The following MYT1 variants were observed in gnomAD, a reference collection of about 807,000 sequenced individuals.
MYT1 encodes the protein myelin transcription factor 1.
Under a neutral mutation model 123.0 loss-of-function variants are expected in MYT1, and 23 were observed. The ratio of observed to expected loss-of-function variants is 0.19; its 90% CI spans 0.13 to 0.26. The LOEUF (loss-of-function observed/expected upper bound fraction) is 0.26, where lower values mean the gene tolerates loss of function less well. MYT1 is among the 10% of genes least tolerant of loss of function. MYT1 has a pLI of 1.00. For missense variants in MYT1, 1,125 were observed against 1,472.5 expected, an observed-to-expected ratio of 0.76 and a Z score of 3.86; for synonymous variants, 518 against 575.3, an observed-to-expected ratio of 0.90 and a Z score of 1.43.
In MYT1 at chr20:64,198,934, C is replaced by T. The variant is rs574959009; in HGVS notation, c.55+18C>T. ...CCTGCGAGGTGAGTGCCGCCCTCCC[C>T]TCCTCCAGGGCTGTAAATGCCACTT... On this transcript the variant is annotated intron_variant, in intron 3 of 22. Coordinates refer to ENST00000328439, the MANE Select transcript of MYT1 (RefSeq NM_004535.3). The T allele has an allele frequency of 5.8e-5, 94 of 1,613,588 alleles. 2 individuals are homozygous for T. The Middle Eastern group carries it at 1.3e-3, about 23-fold the overall frequency.
chr20:64,233,107 TTCCCTCCTCCTTCCCC>T lies in MYT1; in HGVS notation c.2897+728_2897+743del, dbSNP rs988877235. On this transcript the variant is annotated intron_variant, in intron 19 of 22. Coordinates refer to ENST00000328439, the MANE Select transcript of MYT1 (RefSeq NM_004535.3). ...CTCCCCTGTCCCTCCCCTCCCCTTC[TTCCCTCCTCCTTCCCC>T]TCCCTTCTCCCTCCTTTCCTCTTCT... is the stretch of plus-strand genomic sequence containing the variant. Among the ~76,000 whole-genome samples the T allele has an allele frequency of 2.8e-4, 26 of 92,196 alleles. No homozygotes were observed. In the East Asian group the frequency reaches 9.0e-3, roughly 32 times the overall value. 60.5% of individuals were successfully genotyped at this position (92,196 alleles called of 152,430 possible).
intron 10 of MYT1, among the ~76,000 whole-genome samples, chr20:64,215,230 G>A (rs1361030680): frequency 6.6e-6 from 1 of 152,232 alleles, no homozygotes; most frequent in Admixed American, 6.5e-5. Flanking sequence ...AGGCAGGGGT[G>A]TCAAACAGGC....
intron 4 of MYT1, among the ~76,000 whole-genome samples, chr20:64,204,815 G>C (rs1983432235): frequency 6.6e-6 from 1 of 152,202 alleles, no homozygotes; most frequent in Non-Finnish European, 1.5e-5. Flanking sequence ...TAGAAGTCTT[G>C]CTCTTATGTA....
intron 19 of MYT1, 80 bp from the exon 20 acceptor site, chr20:64,236,475 G>T: frequency 8.9e-7 from 1 of 1,129,272 alleles, no homozygotes; most frequent in Non-Finnish European, 1.3e-6. Flanking sequence ...GTGACCCTGG[G>T]CTGGCCGTGG....
intron 1 of MYT1, among the ~76,000 whole-genome samples, chr20:64,177,008 C>G (rs956142083): frequency 6.6e-6 from 1 of 152,210 alleles, no homozygotes; most frequent in Non-Finnish European, 1.5e-5. Flanking sequence ...CAGTAACTGC[C>G]TGCAACATGC....
chr20:64,209,876 C>T (rs756006), intron 7 of MYT1, among the ~76,000 whole-genome samples: 7,048 of 152,180 alleles, frequency 0.046, 404 homozygotes, highest in African/African-American at 0.13. Flanking sequence ...AATGGCTTTG[C>T]GGGGACACCC....
chr20:64,225,011 A>AGG (rs1984127011), intron 16 of MYT1, among the ~76,000 whole-genome samples: 2 of 152,306 alleles, frequency 1.3e-5, no homozygotes, highest in Non-Finnish European at 2.9e-5. Context: ...TTTAGAAATA[A>AGG]CGACCAAAAG....
Position 64,196,488 on chromosome 20 carries a change from G to A in MYT1, c.1-2374G>A, listed in dbSNP as rs144151197. Reference sequence around the variant, plus strand: ...TTGTCCAGATGCTTTCGCGTCAGCCGGCACTGCTGATTTCAAATAGCTCAG... The same window carrying A: ...TTGTCCAGATGCTTTCGCGTCAGCCAGCACTGCTGATTTCAAATAGCTCAG... On this transcript the variant is annotated intron_variant, in intron 2 of 22. Coordinates refer to ENST00000328439, the MANE Select transcript of MYT1 (RefSeq NM_004535.3). This position sits in a 1 kb window ranked among gnomAD's most constrained non-coding sequence, Gnocchi z 4.3. Among the ~76,000 whole-genome samples, 179 of 152,348 alleles carry A rather than the reference G, an allele frequency of 1.2e-3. 1 individual carries two copies. Among genetic ancestry groups the A allele is most frequent in the African/African-American group, 4.1e-3 (172 of 41,570 alleles).
chr20:64,205,656 G>C lies in MYT1; in HGVS notation c.253G>C (p.Glu85Gln). Residue 85 changes from glutamate (E) to glutamine (Q), a missense_variant, in exon 6 of 23, where the codon GAG becomes CAG. This residue lies in a region of MYT1 where 406 missense variants were observed against 432.2 expected (regional missense o/e 0.94). Transcript: ENST00000328439. ...ACACCCCCTGAAGCTGGCTCTGGAC[G>C]AGGGCTATGGTGTGGACAGCGACGG... ...KSHPLKLALD[E>Q]GYGVDSDGSE... 2 of 1,614,248 alleles carry C rather than the reference G, an allele frequency of 1.2e-6. No homozygotes were observed. Among genetic ancestry groups the C allele is most frequent in the South Asian group, 1.1e-5 (1 of 91,080 alleles).
intron 8 of MYT1, 84 bp downstream of exon 8, chr20:64,211,424 T>A: frequency 6.4e-6 from 9 of 1,400,874 alleles, no homozygotes; most frequent in Non-Finnish European, 8.8e-6. Context: ...TGGGGAGGCG[T>A]GGCCTGCCCA....
Position 64,207,970 on chromosome 20 carries a change from AGAGGAGGACGAGGAGGAGGAG to A in MYT1, c.783_803del (p.Asp261_Glu267del), listed in dbSNP as rs1366770927. 1 of 1,605,928 alleles carries A rather than the reference AGAGGAGGACGAGGAGGAGGAG, an allele frequency of 6.2e-7. No individual in the cohort carries two copies. The highest frequency in any genetic ancestry group is 8.5e-7 in the Non-Finnish European group (1 of 1,176,830). ...AGCAGAAAGGCATCCTGAGTCACGA[AGAGGAGGACGAGGAGGAGGAG>A]GAGGAGGAAGAGGAGGAGGAGGAGG... On this transcript the variant is annotated inframe_deletion, in exon 7 of 23. Transcript: ENST00000328439.
In MYT1 at chr20:64,235,883, TGGTGGGTGACCCTGGGATGGCCGC is replaced by T. The variant is rs1568722846; in HGVS notation, c.2898-655_2898-632del. On this transcript the variant is annotated intron_variant, in intron 19 of 22. Coordinates refer to ENST00000328439, the MANE Select transcript of MYT1 (RefSeq NM_004535.3). ...GTGGTGGGTGACGCTGGGATGGTCATGGTGGGTGACCCTGGGATGGCCGCGGTGGGTGACCCTGGGCTGGCCGCG... is the reference window on the plus strand; with the variant it reads ...GTGGTGGGTGACGCTGGGATGGTCATGGTGGGTGACCCTGGGCTGGCCGCG... Among the ~76,000 whole-genome samples the T allele has an allele frequency of 2.7e-4, 35 of 130,028 alleles. 1 individual carries two copies. Among genetic ancestry groups the T allele is most frequent in the African/African-American group, 9.1e-4 (30 of 32,980 alleles). The allele number at this position is 130,028 out of a possible 152,430, so 85.3% of individuals were successfully genotyped here. A position where few individuals can be genotyped will look rare whatever the true frequency, so the allele number is the denominator to read the frequency against.
chr20:64,170,876 TATATATATAGAGAGAGAG>T (rs1246042494), intron 1 of MYT1, among the ~76,000 whole-genome samples: 44 of 60,558 alleles, frequency 7.3e-4, no homozygotes, highest in African/African-American at 1.3e-3. Context: ...TATATATATA[TATATATATAGAGAGAGAG>T]AGAGAGAGAG....
chr20:64,200,049 A>G, intron 4 of MYT1, 127 bp downstream of exon 4: 1 of 1,120,142 alleles, frequency 8.9e-7, no homozygotes, highest in Middle Eastern at 2.2e-4. Context: ...TGCTTTCCCT[A>G]AGGAGACTGC....
At chr20:64,172,664 G>A (rs1009573332) in intron 1 of MYT1, among the ~76,000 whole-genome samples, 2 of 151,866 alleles carry the variant, frequency 1.3e-5, no homozygotes, top group Non-Finnish European at 2.9e-5. Flanking sequence ...CGAAGCCGAC[G>A]TGTCTTCTGG....
rs1382174896 is a variant in MYT1, at chr20:64,218,119, G to A, written c.1847-792G>A. Reference sequence around the variant, plus strand: ...GGTGTGAGCCTCTCTTCCTAACTTTGACAGAACCTGCTCTTTAGGATGGAG... The same window carrying A: ...GGTGTGAGCCTCTCTTCCTAACTTTAACAGAACCTGCTCTTTAGGATGGAG... On this transcript the variant is annotated intron_variant, in intron 11 of 22. Coordinates refer to ENST00000328439, the MANE Select transcript of MYT1 (RefSeq NM_004535.3). The surrounding 1 kb of genome is among the most constrained non-coding windows in gnomAD (Gnocchi z 4.0). Among the ~76,000 whole-genome samples the A allele has an allele frequency of 6.6e-6, 1 of 152,170 alleles. No individual in the cohort carries two copies. Among genetic ancestry groups the A allele is most frequent in the African/African-American group, 2.4e-5 (1 of 41,434 alleles).
chr20:64,236,969 T>A (rs1237617753), intron 20 of MYT1, among the ~76,000 whole-genome samples: 1 of 152,120 alleles, frequency 6.6e-6, no homozygotes, highest in African/African-American at 2.4e-5. Context: ...CCCCCTTAGG[T>A]GAGGAAATTC....
rs1335560840 is a variant in MYT1, at chr20:64,231,622, GC to G, written c.2676-537del. 3.3e-5 allele frequency among the ~76,000 whole-genome samples: 5 copies of G among 152,324 alleles called. No individual in the cohort carries two copies. The East Asian group carries it at 7.7e-4, about 23-fold the overall frequency. ...CAAAGCTGCAACATCTATGGGCATT[GC>G]CCCCTGATTGCACTGGCCTCAGTCT... On this transcript the variant is annotated intron_variant, in intron 18 of 22. Transcript: ENST00000328439. The surrounding 1 kb of genome is among the most constrained non-coding windows in gnomAD (Gnocchi z 6.4).
At chr20:64,224,555 A>G (rs910234944) in intron 16 of MYT1, among the ~76,000 whole-genome samples, 5 of 152,208 alleles carry the variant, frequency 3.3e-5, no homozygotes, top group Non-Finnish European at 7.3e-5. Context: ...GGAAGTTAAT[A>G]GCTTCAACAT....
Sources: allele counts gnomAD v4.1 joint callset (sites outside exome capture counted in the v4.1 genomes callset), GRCh38; gene constraint gnomAD v4.1.1; regional missense constraint gnomAD v4.1.1; non-coding constraint Gnocchi (gnomAD v3.1); transcripts MANE v1.5; gene names NCBI Gene and HGNC (gene_info 2026-07-23, HGNC 2026-07-21).